SYNDIG1: variants seen among roughly 807,000 people sequenced by gnomAD.
SYNDIG1 encodes synapse differentiation-inducing gene protein 1.
In SYNDIG1, 9 loss-of-function variants were observed where a neutral mutation model predicts 19.4. The ratio of observed to expected loss-of-function variants is 0.46; its 90% confidence interval spans 0.28 to 0.81. The LOEUF is 0.81. Ranked by LOEUF, SYNDIG1 falls within the 30% of genes least tolerant of loss-of-function variation. The pLI, the probability that SYNDIG1 is intolerant of heterozygous loss-of-function variation, is 0.12. For synonymous variants in SYNDIG1, 141 were observed against 145.9 expected (o/e 0.97, Z 0.24); for missense variants, 311 against 343.3 (o/e 0.91, Z 0.74).
chr20:24,503,841 C>A (rs1192046133), intron 1 of SYNDIG1, among the ~76,000 whole-genome samples: 1 of 152,206 alleles, frequency 6.6e-6, no homozygotes, highest in Non-Finnish European at 1.5e-5. Context: ...CCCTGCCACC[C>A]CCAGCGCCTA....
At chr20:24,643,745 T>C (rs750918082) in intron 3 of SYNDIG1, among the ~76,000 whole-genome samples, 5 of 152,248 alleles carry the variant, frequency 3.3e-5, no homozygotes, top group Non-Finnish European at 5.9e-5. Flanking sequence ...TAAAGTTCTG[T>C]GTGTTTTGAC....
Position 24,543,375 on chromosome 20 carries a change from T to A in SYNDIG1, c.278T>A (p.Leu93His), listed in dbSNP as rs1463340391. 1 of 1,613,612 alleles carries A rather than the reference T, an allele frequency of 6.2e-7. No homozygotes were observed. Among genetic ancestry groups the A allele is most frequent in the African/African-American group, 1.3e-5 (1 of 75,006 alleles). ...VESRYRPNII[L>H]YSEGVLRSWG... ...TCCCGCTACCGGCCCAACATCATCCTCTATTCAGAGGGCGTGCTGCGCTCC... is the reference window on the plus strand; with the variant it reads ...TCCCGCTACCGGCCCAACATCATCCACTATTCAGAGGGCGTGCTGCGCTCC... The change falls in exon 2 of 4, where the codon CTC (leucine) becomes CAC (histidine). Residue 93 changes from leucine to histidine, a missense_variant. Leu to His is a moderately conservative substitution (Grantham distance 99). Transcript: ENST00000376862.
chr20:24,564,049 G>A (rs1466983041), intron 2 of SYNDIG1, among the ~76,000 whole-genome samples: 1 of 152,110 alleles, frequency 6.6e-6, no homozygotes, highest in Admixed American at 6.5e-5. Context: ...CAGGACCGTG[G>A]CCAAACCCCT....
intron 1 of SYNDIG1, among the ~76,000 whole-genome samples, chr20:24,517,313 AAAT>A (rs1568603593): frequency 3.5e-5 from 5 of 143,346 alleles, no homozygotes; most frequent in African/African-American, 1.0e-4. Flanking sequence ...AAAAAAAAAT[AAAT>A]AAATAAATAT....
At chr20:24,489,885 G>A (rs933859549) in intron 1 of SYNDIG1, among the ~76,000 whole-genome samples, 1 of 152,236 alleles carries the variant, frequency 6.6e-6, no homozygotes, top group Non-Finnish European at 1.5e-5. Flanking sequence ...AGCCCTGTGG[G>A]CTGTTTTGTG....
chr20:24,563,123 A>G (rs2057977317), intron 2 of SYNDIG1, among the ~76,000 whole-genome samples: 1 of 152,200 alleles, frequency 6.6e-6, no homozygotes, highest in Non-Finnish European at 1.5e-5. Flanking sequence ...GTACCAATAA[A>G]AAGGATCCTT....
chr20:24,631,678 A>G (rs773815618), intron 3 of SYNDIG1, among the ~76,000 whole-genome samples: 1 of 152,236 alleles, frequency 6.6e-6, no homozygotes, highest in African/African-American at 2.4e-5. Flanking sequence ...TCTCCTGGAA[A>G]CAAACATATC....
chr20:24,508,458 T>A (rs1174983641), intron 1 of SYNDIG1, among the ~76,000 whole-genome samples: 1 of 143,964 alleles, frequency 6.9e-6, no homozygotes, highest in African/African-American at 2.6e-5. Context: ...CCTCAAGTGA[T>A]CTGCCCGCCT....
intron 2 of SYNDIG1, among the ~76,000 whole-genome samples, chr20:24,555,060 C>T (rs1334897888): frequency 6.6e-6 from 1 of 152,102 alleles, no homozygotes; most frequent in African/African-American, 2.4e-5. Flanking sequence ...GGAATTTATC[C>T]ATTTCTTCTA....
At chr20:24,521,693 T>C (rs1600511168) in intron 1 of SYNDIG1, among the ~76,000 whole-genome samples, 2 of 151,506 alleles carry the variant, frequency 1.3e-5, no homozygotes, top group African/African-American at 4.9e-5. Flanking sequence ...AGGTCAGGAG[T>C]TCGAGACCAG....
intron 2 of SYNDIG1, among the ~76,000 whole-genome samples, chr20:24,555,670 T>G (rs892336185): frequency 6.6e-6 from 1 of 152,162 alleles, no homozygotes; most frequent in Non-Finnish European, 1.5e-5. Context: ...GTCTGAGAGA[T>G]AGTTTATTAT....
At chr20:24,659,519 C>T (rs955772530) in intron 3 of SYNDIG1, among the ~76,000 whole-genome samples, 3 of 152,206 alleles carry the variant, frequency 2.0e-5, no homozygotes, top group Admixed American at 6.5e-5. Context: ...GACACAAGGG[C>T]CCAGACAGGA....
intron 2 of SYNDIG1, among the ~76,000 whole-genome samples, chr20:24,579,121 T>C (rs575891922): frequency 2.0e-5 from 3 of 152,232 alleles, no homozygotes; most frequent in Admixed American, 2.0e-4. Flanking sequence ...GGAAAAGGGG[T>C]TCGTGTTCCA....
intron 2 of SYNDIG1, among the ~76,000 whole-genome samples, chr20:24,558,088 TCG>T (rs1433333247): frequency 1.3e-5 from 2 of 152,104 alleles, no homozygotes; most frequent in Non-Finnish European, 2.9e-5. Context: ...AAGGAAGCAA[TCG>T]TGATGAATGA....
At chr20:24,580,653 T>C (rs569037040) in intron 2 of SYNDIG1, among the ~76,000 whole-genome samples, 1 of 152,170 alleles carries the variant, frequency 6.6e-6, no homozygotes, top group Non-Finnish European at 1.5e-5. Context: ...AAGTGATCCT[T>C]CCACCTCAGC....
Position 24,643,720 on chromosome 20 carries a change from T to A in SYNDIG1, c.619-21626T>A, listed in dbSNP as rs145696096. Among the ~76,000 whole-genome samples the A allele has an allele frequency of 5.8e-3, 889 of 152,342 alleles. 3 individuals carry two copies. The highest frequency in any genetic ancestry group is 0.01 in the Middle Eastern group (3 of 294). On this transcript the variant is annotated intron_variant, in intron 3 of 3. Coordinates refer to ENST00000376862, the MANE Select transcript of SYNDIG1 (RefSeq NM_024893.3). The stretch of plus-strand genomic sequence containing the variant: ...TTTTTAAATTTGAATACAATAAGAT[T>A]TTGTCTTTGTGTTGTAAAGTTCTGT...
Position 24,475,953 on chromosome 20 carries a change from C to T in SYNDIG1, c.-79+6200C>T, listed in dbSNP as rs1336524425. On this transcript the variant is annotated intron_variant, in intron 1 of 3. Coordinates refer to ENST00000376862, the MANE Select transcript of SYNDIG1 (RefSeq NM_024893.3). ...TCAGCTTACTGCAACCTCCGCCTCCCGGGTTCAAGCGATTCTTCCACCTCA... is the reference window on the plus strand; with the variant it reads ...TCAGCTTACTGCAACCTCCGCCTCCTGGGTTCAAGCGATTCTTCCACCTCA... Among the ~76,000 whole-genome samples the T allele has an allele frequency of 5.3e-5, 8 of 151,950 alleles. No homozygotes were observed. In the East Asian group the frequency reaches 1.2e-3, roughly 22 times the overall value.
intron 3 of SYNDIG1, among the ~76,000 whole-genome samples, chr20:24,627,460 G>A (rs1362586924): frequency 1.3e-5 from 2 of 152,178 alleles, no homozygotes; most frequent in Non-Finnish European, 2.9e-5. Context: ...TGAGGCCTGG[G>A]TGCTTGGGTT....
At chr20:24,600,227 A>G (rs1039356835) in intron 3 of SYNDIG1, among the ~76,000 whole-genome samples, 37 of 152,362 alleles carry the variant, frequency 2.4e-4, no homozygotes, top group African/African-American at 8.7e-4. Context: ...TCTGTAGGCA[A>G]TGGGTGGTTT....
Sources: allele counts gnomAD v4.1 joint callset (sites outside exome capture counted in the v4.1 genomes callset), GRCh38; gene constraint gnomAD v4.1.1; transcripts MANE v1.5; gene names NCBI Gene and HGNC (gene_info 2026-07-23, HGNC 2026-07-21).